The following TMEM232 variants were observed in gnomAD, a reference collection of about 807,000 sequenced individuals.
The protein encoded by TMEM232 is transmembrane protein 232.
In TMEM232, 80 loss-of-function variants were observed where a neutral mutation model predicts 78.8. The ratio of observed to expected loss-of-function variants is 1.01; its 90% CI spans 0.85 to 1.22. The LOEUF is 1.22. TMEM232 is among the 50% of genes most tolerant of loss of function. The pLI is 0.00. For missense variants in TMEM232, 881 were observed against 742.2 expected (o/e 1.19, Z -2.17); for synonymous variants, 297 against 254.3 (o/e 1.17, Z -1.60).
At chr5:110,639,597 G>A (rs1285256838) in intron 4 of TMEM232, among the ~76,000 whole-genome samples, 1 of 152,114 alleles carries the variant, frequency 6.6e-6, no homozygotes, top group Non-Finnish European at 1.5e-5. Context: ...AGTATAGGCA[G>A]GAAAGGCATG....
At chr5:110,499,711 G>C (rs1041749823) in intron 12 of TMEM232, among the ~76,000 whole-genome samples, 9 of 149,548 alleles carry the variant, frequency 6.0e-5, no homozygotes, top group South Asian at 2.1e-4. Flanking sequence ...AGACCAAGTA[G>C]AGTTTCAGAC....
exon 5 of TMEM232, chr5:110,387,908 G>A (rs1755045191): frequency 6.6e-6 from 1 of 152,172 alleles, no homozygotes; most frequent in Admixed American, 6.6e-5. Flanking sequence ...TTTACTCTTG[G>A]AAAATTCTCT....
At chr5:110,707,558 T>C (rs1012735568) in intron 1 of TMEM232, among the ~76,000 whole-genome samples, 3 of 152,236 alleles carry the variant, frequency 2.0e-5, no homozygotes. Flanking sequence ...TCTGCAGTTC[T>C]AGACAAACTT....
chr5:110,409,072 A>G (rs1210334787), intron 2 of TMEM232, among the ~76,000 whole-genome samples: 2 of 152,220 alleles, frequency 1.3e-5, no homozygotes, highest in African/African-American at 2.4e-5. Context: ...CAGTAACAAC[A>G]TGTTACACAG....
intron 2 of TMEM232, among the ~76,000 whole-genome samples, chr5:110,652,294 G>GCACACACACACACACACACACACACA (rs70999969): frequency 6.9e-6 from 1 of 145,360 alleles, no homozygotes; most frequent in Non-Finnish European, 1.5e-5. Flanking sequence ...GCACGCGCGC[G>GCACACACACACACACACACACACACA]CACACACACA....
chr5:110,638,143 G>A, intron 5 of TMEM232, 55 bp downstream of exon 5: 1 of 1,313,490 alleles, frequency 7.6e-7, no homozygotes, highest in Non-Finnish European at 1.0e-6. Flanking sequence ...ATGTCATGTT[G>A]TTACATGTAG....
chr5:110,547,476 G>A (rs1320989521), intron 11 of TMEM232, among the ~76,000 whole-genome samples: 1 of 152,116 alleles, frequency 6.6e-6, no homozygotes, highest in African/African-American at 2.4e-5. Context: ...AGTTAGTTTA[G>A]ACATTAGTAC....
chr5:110,547,883 G>A (rs1040392053), intron 11 of TMEM232, among the ~76,000 whole-genome samples: 15 of 150,570 alleles, frequency 1.0e-4, no homozygotes, highest in Admixed American at 3.3e-4. Flanking sequence ...CTGTAGTCCC[G>A]GCTACTCAGG....
chr5:110,721,988 C>T, intron 1 of TMEM232, among the ~76,000 whole-genome samples: 1 of 151,724 alleles, frequency 6.6e-6, no homozygotes, highest in Non-Finnish European at 1.5e-5. Context: ...ATTATTTCTG[C>T]AGCAGCCAAA....
chr5:110,659,022 C>T (rs1789451718), intron 2 of TMEM232, among the ~76,000 whole-genome samples: 1 of 151,972 alleles, frequency 6.6e-6, no homozygotes, highest in African/African-American at 2.4e-5. Context: ...GCAACAATAC[C>T]TCAAAAAAGG....
At chr5:110,441,925 G>A (rs940001580) in intron 12 of TMEM232, among the ~76,000 whole-genome samples, 1 of 151,010 alleles carries the variant, frequency 6.6e-6, no homozygotes, top group African/African-American at 2.4e-5. Context: ...TTTTCCTTTA[G>A]CACTTTAAAC....
Position 110,509,762 on chromosome 5 carries a change from A to G in TMEM232, c.1703+18826T>C, listed in dbSNP as rs376537130. ...ATGGGAATGACTCCTGTTGTCACCT[A>G]CATTCAGTGAACACAATGTATGCTC... On this transcript the variant is annotated intron_variant, in intron 12 of 13. Transcript: ENST00000455884. 1.1e-4 allele frequency among the ~76,000 whole-genome samples: 16 copies of G among 152,268 alleles called. No homozygotes were observed. In the South Asian group the frequency reaches 3.1e-3, roughly 30 times the overall value.
At chr5:110,660,442 T>G (rs1268510405) in intron 2 of TMEM232, among the ~76,000 whole-genome samples, 8 of 151,862 alleles carry the variant, frequency 5.3e-5, no homozygotes, top group Non-Finnish European at 1.0e-4. Flanking sequence ...TCAAAAAATC[T>G]TACAGCAGGC....
At chr5:110,580,702 G>T (rs1778108094) in intron 10 of TMEM232, among the ~76,000 whole-genome samples, 1 of 150,606 alleles carries the variant, frequency 6.6e-6, no homozygotes, top group African/African-American at 2.4e-5. Context: ...GACCTAAAAG[G>T]CATATACAGA....
chr5:110,447,597 T>A (rs1391887624), intron 12 of TMEM232, among the ~76,000 whole-genome samples: 1 of 152,080 alleles, frequency 6.6e-6, no homozygotes, highest in Non-Finnish European at 1.5e-5. Flanking sequence ...AATAAACTTT[T>A]AAAAATTATT....
chr5:110,621,787 T>C (rs1251802807), intron 7 of TMEM232, among the ~76,000 whole-genome samples: 1 of 152,058 alleles, frequency 6.6e-6, no homozygotes, highest in Non-Finnish European at 1.5e-5. Context: ...CACAGTTCTT[T>C]CGTCTCCCTC....
At chr5:110,526,025 CAAAA>C (rs758110596) in intron 12 of TMEM232, among the ~76,000 whole-genome samples, 1 of 47,806 alleles carries the variant, frequency 2.1e-5, no homozygotes, top group Non-Finnish European at 4.0e-5. Context: ...CACCATACAC[CAAAA>C]AAAAAAAAAA....
At chr5:110,711,284 T>C (rs143072413) in intron 1 of TMEM232, among the ~76,000 whole-genome samples, 13 of 152,252 alleles carry the variant, frequency 8.5e-5, no homozygotes, top group East Asian at 3.9e-4. Flanking sequence ...CTGAAATACA[T>C]TTCATGTTCA....
upstream of TMEM232, chr5:110,738,331 C>A (rs1799432009): frequency 2.8e-6 from 3 of 1,067,864 alleles, no homozygotes; most frequent in Middle Eastern, 3.7e-4. Flanking sequence ...GATTTCAATA[C>A]CCTGAGTGAT....
Sources: allele counts gnomAD v4.1 joint callset (sites outside exome capture counted in the v4.1 genomes callset), GRCh38; gene constraint gnomAD v4.1.1; transcripts MANE v1.5; gene names NCBI Gene and HGNC (gene_info 2026-07-23, HGNC 2026-07-21).